ARFGEF3: variants seen among roughly 807,000 people sequenced by gnomAD.
ARFGEF3 encodes ARFGEF family member 3.
Under a neutral mutation model 221.7 loss-of-function variants are expected in ARFGEF3, and 96 were observed. The observed-to-expected ratio is 0.43, with a 90% CI of 0.37 to 0.51. The LOEUF is 0.51. ARFGEF3 is among the 20% of genes least tolerant of loss of function. The pLI is 0.00. For synonymous variants in ARFGEF3, 1,145 were observed against 1,126.8 expected (o/e 1.02, Z -0.32); for missense variants, 2,410 against 2,789.9 (o/e 0.86, Z 3.07).
chr6:138,191,924 A>G (rs962376921), intron 2 of ARFGEF3, among the ~76,000 whole-genome samples: 3 of 152,160 alleles, frequency 2.0e-5, no homozygotes, highest in African/African-American at 7.2e-5. Context: ...AATGATGACA[A>G]CAATGAAGTT....
Position 138,162,200 on chromosome 6 carries a change from C to T in ARFGEF3, c.85+29C>T, listed in dbSNP as rs773028552. On this transcript the variant is annotated intron_variant, in intron 1 of 33. Coordinates refer to ENST00000251691, the MANE Select transcript of ARFGEF3 (RefSeq NM_020340.5). The surrounding 1 kb of genome is among the most constrained non-coding windows in gnomAD (Gnocchi z 4.7). ...AGCGTCCGGCACCTGCTCGCCGCGGCGGGAGGGCCGCGCGGCCGGGGCTGA... is the reference window on the plus strand; with the variant it reads ...AGCGTCCGGCACCTGCTCGCCGCGGTGGGAGGGCCGCGCGGCCGGGGCTGA... The T allele has an allele frequency of 1.2e-5, 19 of 1,556,806 alleles. No homozygotes were observed. In the South Asian group the frequency reaches 1.9e-4, roughly 16 times the overall value.
At position 138,291,901 on chromosome 6, in the gene ARFGEF3, C is replaced by A; in HGVS notation, c.3216C>A (p.Ser1072=). ...AGCACAGCCCGGAGCAGGGGCGCTC[C>A]CTGAGCACGGCCCCTGTCGTCCAGC... ...PPEHSPEQGR[S]LSTAPVVQPL... The change falls in exon 19 of 34, where the codon TCC becomes TCA. Residue 1072 remains serine (S), a synonymous_variant. Transcript: ENST00000251691. This position sits in a 1 kb window ranked among gnomAD's most constrained non-coding sequence, Gnocchi z 4.5. 6.7e-7 allele frequency: 1 copy of A among 1,490,092 alleles called. No individual in the cohort carries two copies. The highest frequency in any genetic ancestry group is 9.0e-7 in the Non-Finnish European group (1 of 1,115,058). The allele number at this position is 1,490,092 out of a possible 1,614,324, so 92.3% of individuals were successfully genotyped here.
In ARFGEF3 at chr6:138,280,175, C is replaced by T. The variant is rs1378474710; in HGVS notation, c.2461+11C>T. 5.6e-6 allele frequency: 9 copies of T among 1,612,602 alleles called. No individual in the cohort carries two copies. The highest frequency in any genetic ancestry group is 2.2e-5 in the East Asian group (1 of 44,874). On this transcript the variant is annotated intron_variant, in intron 14 of 33. Transcript: ENST00000251691. ...TCACAATGCTGACCGGTCAGTGGTT[C>T]GTTGCAAGGCCTTGGGGCACGTGGT...
chr6:138,236,665 C>T (rs1446352536), intron 5 of ARFGEF3, among the ~76,000 whole-genome samples: 2 of 152,132 alleles, frequency 1.3e-5, no homozygotes, highest in Non-Finnish European at 2.9e-5. Flanking sequence ...TGGGGTTTTG[C>T]CCCGTTGCGC....
intron 14 of ARFGEF3, among the ~76,000 whole-genome samples, chr6:138,281,339 A>T (rs905191135): frequency 5.3e-5 from 8 of 152,190 alleles, no homozygotes; most frequent in African/African-American, 1.9e-4. Context: ...ATTACTTTAG[A>T]CTAAAGGGGT....
intron 16 of ARFGEF3, 63 bp downstream of exon 16, chr6:138,286,979 A>AG (rs1779309516): frequency 6.3e-7 from 1 of 1,584,984 alleles, no homozygotes; most frequent in Non-Finnish European, 8.6e-7. Context: ...ATGACCCAGC[A>AG]GGGTGGGGCA....
Position 138,336,655 on chromosome 6 carries a change from G to A in ARFGEF3, c.*169G>A, listed in dbSNP as rs1469329355. ...CTTTCCAACCACTGATCAGCATTGGGGCCATACTAAGGTTTGTATCTAGAT... is the reference window on the plus strand; with the variant it reads ...CTTTCCAACCACTGATCAGCATTGGAGCCATACTAAGGTTTGTATCTAGAT... On this transcript the variant is annotated 3_prime_UTR_variant, in exon 34 of 34. Transcript: ENST00000251691. The A allele has an allele frequency of 2.0e-6, 1 of 499,474 alleles. No individual in the cohort carries two copies. The highest frequency in any genetic ancestry group is 3.4e-5 in the East Asian group (1 of 29,300). 30.9% of individuals were successfully genotyped at this position (499,474 alleles called of 1,614,324 possible).
chr6:138,291,839 C>T lies in ARFGEF3; in HGVS notation c.3154C>T (p.Leu1052Phe), dbSNP rs1779410237. 2 of 1,500,576 alleles carry T rather than the reference C, an allele frequency of 1.3e-6. No individual in the cohort carries two copies. The highest frequency in any genetic ancestry group is 1.8e-6 in the Non-Finnish European group (2 of 1,122,264). The allele number at this position is 1,500,576 out of a possible 1,614,324, so 93.0% of individuals were successfully genotyped here. A position where few individuals can be genotyped will look rare whatever the true frequency, so the allele number is the denominator to read the frequency against. Reference sequence around the variant, plus strand: ...CCAGAAGGCCACTGGAAGCGCTGGCCTCCTTGGGGACCCCGAGTGTGAGGG... The same window carrying T: ...CCAGAAGGCCACTGGAAGCGCTGGCTTCCTTGGGGACCCCGAGTGTGAGGG... ...QPQKATGSAG[L>F]LGDPECEGSP... The change falls in exon 19 of 34, where the codon CTC becomes TTC. Residue 1052 changes from leucine to phenylalanine, a missense_variant. Around this residue, in one of 5 missense-constraint regions of ARFGEF3, gnomAD observed 184 missense variants for 141.8 expected, o/e 1.30. Coordinates refer to ENST00000251691, the MANE Select transcript of ARFGEF3 (RefSeq NM_020340.5). The surrounding 1 kb of genome is among the most constrained non-coding windows in gnomAD (Gnocchi z 4.5).
chr6:138,338,503 T>C lies in ARFGEF3; in HGVS notation c.*2017T>C, dbSNP rs1331941131. The C allele has an allele frequency of 2.6e-5, 4 of 152,194 alleles. No individual in the cohort carries two copies. The highest frequency in any genetic ancestry group is 7.2e-5 in the African/African-American group (3 of 41,440). The allele number at this position is 152,194 out of a possible 1,614,324, so 9.4% of individuals were successfully genotyped here. A position where few individuals can be genotyped will look rare whatever the true frequency, so the allele number is the denominator to read the frequency against. ...AAAATTCAAAGGAAGCTGTCTCAAT[T>C]TGAGAATACCAGCTGGGCACGGTGG... On this transcript the variant is annotated 3_prime_UTR_variant, in exon 34 of 34. Transcript: ENST00000251691.
At chr6:138,240,124 G>A (rs540214118) in intron 6 of ARFGEF3, among the ~76,000 whole-genome samples, 3 of 152,118 alleles carry the variant, frequency 2.0e-5, no homozygotes, top group African/African-American at 7.2e-5. Context: ...TTAGCTTACA[G>A]CTTGCTAAAA....
intron 12 of ARFGEF3, among the ~76,000 whole-genome samples, chr6:138,273,701 T>C (rs1583043300): frequency 6.6e-6 from 1 of 152,310 alleles, no homozygotes; most frequent in East Asian, 1.9e-4. Context: ...GGCAAATTAC[T>C]GTCTCTGGGG....
intron 8 of ARFGEF3, among the ~76,000 whole-genome samples, chr6:138,248,337 G>A (rs923394118): frequency 5.9e-5 from 9 of 152,112 alleles, no homozygotes; most frequent in East Asian, 3.8e-4. Flanking sequence ...CAGCCTCGCC[G>A]GTGGCAGCCA....
chr6:138,297,602 T>C (rs1203268674), intron 21 of ARFGEF3, among the ~76,000 whole-genome samples: 2 of 152,216 alleles, frequency 1.3e-5, no homozygotes, highest in Non-Finnish European at 2.9e-5. Context: ...CATAAAATAT[T>C]TCTTGGAACT....
intron 23 of ARFGEF3, 134 bp downstream of exon 23, chr6:138,307,531 T>C (rs1779748165): frequency 1.2e-6 from 1 of 843,534 alleles, no homozygotes; most frequent in Non-Finnish European, 1.9e-6. Flanking sequence ...AAGAATGTGG[T>C]GTAGCAGGAA....
intron 30 of ARFGEF3, 50 bp from the exon 31 acceptor site, chr6:138,323,973 C>A: frequency 1.3e-6 from 2 of 1,597,314 alleles, no homozygotes; most frequent in South Asian, 1.1e-5. Flanking sequence ...AGACTGAGCC[C>A]GGCCCATGAA....
chr6:138,262,633 T>C, intron 11 of ARFGEF3, 68 bp from the exon 12 acceptor site: 1 of 1,474,770 alleles, frequency 6.8e-7, no homozygotes, highest in Non-Finnish European at 9.2e-7. Flanking sequence ...CTAACACTCT[T>C]GTTCCTTTCA....
At chr6:138,269,437 G>T (rs2114602534) in intron 12 of ARFGEF3, among the ~76,000 whole-genome samples, 1 of 152,316 alleles carries the variant, frequency 6.6e-6, no homozygotes, top group Non-Finnish European at 1.5e-5. Flanking sequence ...AAAATTACAG[G>T]AAGAAAACCT....
intron 8 of ARFGEF3, among the ~76,000 whole-genome samples, chr6:138,250,454 C>T (rs748611431): frequency 7.9e-5 from 12 of 152,212 alleles, no homozygotes; most frequent in Non-Finnish European, 1.6e-4. Context: ...CCTATACCAA[C>T]GCAGGCTTGG....
rs964091587 is a variant in ARFGEF3 at position 138,291,324 on chromosome 6, G to T, written c.3048-409G>T. 1.3e-5 allele frequency among the ~76,000 whole-genome samples: 2 copies of T among 152,136 alleles called. No individual in the cohort carries two copies. The highest frequency in any genetic ancestry group is 2.9e-5 in the Non-Finnish European group (2 of 68,026). ...GGTATAGCCATTCTGGGATCCCATCGTAGGGAAACGCTTCCCAACTCCTAA... is the reference window on the plus strand; with the variant it reads ...GGTATAGCCATTCTGGGATCCCATCTTAGGGAAACGCTTCCCAACTCCTAA... On this transcript the variant is annotated intron_variant, in intron 18 of 33. Transcript: ENST00000251691. This position sits in a 1 kb window ranked among gnomAD's most constrained non-coding sequence, Gnocchi z 4.5.
Sources: gnomAD v4.1 joint callset for allele counts (sites outside exome capture counted in the v4.1 genomes callset) on GRCh38, gnomAD v4.1.1 for gene constraint, gnomAD v4.1.1 regional missense constraint, Gnocchi (gnomAD v3.1) non-coding constraint, MANE v1.5 for transcripts, NCBI Gene and HGNC (gene_info 2026-07-23, HGNC 2026-07-21) for gene names.